The following RACGAP1 variants were observed in gnomAD, a reference collection of about 807,000 sequenced individuals.
RACGAP1 encodes rac GTPase-activating protein 1.
Under a neutral mutation model 78.1 loss-of-function variants are expected in RACGAP1, and 30 were observed. The ratio of observed to expected loss-of-function variants is 0.38; its 90% CI spans 0.29 to 0.52. The LOEUF is 0.52. RACGAP1 is among the 20% of genes least tolerant of loss of function. The pLI is 0.82. For synonymous variants in RACGAP1, 231 were observed against 264.8 expected, an observed-to-expected ratio of 0.87 and a Z score of 1.24; for missense variants, 587 against 777.1, an observed-to-expected ratio of 0.76 and a Z score of 2.91.
rs780484550 is a variant in RACGAP1 at position 49,997,035 on chromosome 12, C to G, written c.1044+5G>C. ...TAAAACAATGACGGCTTGCATAAGTCATACCTCTCCAATCTTGACAGGTGT... is the reference window on the plus strand; with the variant it reads ...TAAAACAATGACGGCTTGCATAAGTGATACCTCTCCAATCTTGACAGGTGT... On this transcript the variant is annotated splice_donor_5th_base_variant and intron_variant, in intron 10 of 16. Coordinates refer to ENST00000312377, the MANE Select transcript of RACGAP1 (RefSeq NM_001319999.2). The G allele has an allele frequency of 6.6e-7, 1 of 1,510,076 alleles. No homozygotes were observed. The highest frequency in any genetic ancestry group is 9.0e-7 in the Non-Finnish European group (1 of 1,117,040). The allele number at this position is 1,510,076 out of a possible 1,614,324, so 93.5% of individuals were successfully genotyped here. A position where few individuals can be genotyped will look rare whatever the true frequency, so the allele number is the denominator to read the frequency against.
At chr12:50,025,572 C>G, upstream of RACGAP1, 5 of 981,178 alleles carry the variant, frequency 5.1e-6, 1 homozygote, top group South Asian at 2.4e-4. Flanking sequence ...CAGGGCCACG[C>G]GGAGGTGACG....
chr12:50,005,537 T>A (rs1466396989), intron 3 of RACGAP1, 145 bp from the exon 4 acceptor site: 1 of 840,700 alleles, frequency 1.2e-6, no homozygotes, highest in Non-Finnish European at 1.8e-6. Context: ...CAATAGCATA[T>A]TAATTCACAT....
intron 1 of RACGAP1, chr12:50,016,985 T>C: frequency 8.3e-7 from 1 of 1,208,730 alleles, no homozygotes; most frequent in African/African-American, 1.6e-5. Flanking sequence ...AGAAAACAAA[T>C]AGGAAAGAGC....
chr12:50,018,789 TA>T (rs1282319628), intron 1 of RACGAP1, among the ~76,000 whole-genome samples: 7 of 152,010 alleles, frequency 4.6e-5, no homozygotes, highest in South Asian at 2.1e-4. Flanking sequence ...AAAGCTTTTT[TA>T]GGGGGGGTTT....
In RACGAP1 at chr12:50,016,627, T is replaced by G; in HGVS notation, c.85+4A>C. ...TTTGGACAGGCCAGCTCAGAATGACTTACGGACTTCATTTCCTTCACTGAG... is the reference window on the plus strand; with the variant it reads ...TTTGGACAGGCCAGCTCAGAATGACGTACGGACTTCATTTCCTTCACTGAG... On this transcript the variant is annotated splice_donor_region_variant and intron_variant, in intron 2 of 16. Transcript: ENST00000312377. The G allele has an allele frequency of 6.2e-7, 1 of 1,613,124 alleles. No individual in the cohort carries two copies. The highest frequency in any genetic ancestry group is 1.7e-5 in the Admixed American group (1 of 60,012).
rs1273355073 is a variant in RACGAP1 at position 49,994,214 on chromosome 12, C to CAGAT, written c.1252_1255dup (p.Cys419TyrfsTer3). The CAGAT allele has an allele frequency of 5.6e-6, 9 of 1,614,028 alleles. No homozygotes were observed. Among genetic ancestry groups the CAGAT allele is most frequent in the Non-Finnish European group, 7.6e-6 (9 of 1,180,028 alleles). Reference sequence around the variant, plus strand: ...TCGAAGAAAGTCTTTTAGAAGGCTACAGATAGCATGGATATCATCCACTTT... The same window carrying CAGAT: ...TCGAAGAAAGTCTTTTAGAAGGCTACAGATAGATAGCATGGATATCATCCACTTT... On this transcript the variant is annotated frameshift_variant, in exon 12 of 17. Coordinates refer to ENST00000312377, the MANE Select transcript of RACGAP1 (RefSeq NM_001319999.2). LOFTEE classifies it high-confidence loss of function.
intron 1 of RACGAP1, among the ~76,000 whole-genome samples, chr12:50,017,561 G>A (rs1949749683): frequency 6.6e-6 from 1 of 151,992 alleles, no homozygotes; most frequent in African/African-American, 2.4e-5. Flanking sequence ...AACACTTTGA[G>A]GAAATAAGAT....
chr12:50,005,195 C>T lies in RACGAP1; in HGVS notation c.425+61G>A, dbSNP rs1203633963. ...GAAGTATATTTAAGAATTCAGATAA[C>T]AAGAATATCTGACAGCCTGTGTTGC... On this transcript the variant is annotated intron_variant, in intron 4 of 16. Transcript: ENST00000312377. 1.4e-5 allele frequency: 23 copies of T among 1,593,602 alleles called. No homozygotes were observed. The Admixed American group carries it at 4.0e-4, about 27-fold the overall frequency.
intron 1 of RACGAP1, chr12:50,020,927 A>C (rs1228067850): frequency 5.4e-5 from 9 of 167,614 alleles, no homozygotes; most frequent in African/African-American, 9.6e-5. Context: ...ATGCTAGGGG[A>C]CCATATATTT....
chr12:50,021,587 C>A (rs893367149), intron 1 of RACGAP1, among the ~76,000 whole-genome samples: 3 of 152,196 alleles, frequency 2.0e-5, no homozygotes, highest in African/African-American at 7.2e-5. Flanking sequence ...TGGGAAAAGT[C>A]TCTATCCTCT....
At chr12:50,013,736 T>G (rs983937282) in intron 2 of RACGAP1, among the ~76,000 whole-genome samples, 10 of 152,230 alleles carry the variant, frequency 6.6e-5, no homozygotes, top group Non-Finnish European at 1.3e-4. Flanking sequence ...CCCTTTCATC[T>G]CTGCCTCTTG....
chr12:50,001,882 A>C (rs887723865), intron 6 of RACGAP1, among the ~76,000 whole-genome samples: 1 of 152,098 alleles, frequency 6.6e-6, no homozygotes, highest in African/African-American at 2.4e-5. Flanking sequence ...CCTGGCCAAC[A>C]TGGTGAAACC....
Position 49,992,667 on chromosome 12 carries a change from A to T in RACGAP1, c.1340-12T>A, listed in dbSNP as rs1209933897. The T allele has an allele frequency of 6.2e-7, 1 of 1,601,230 alleles. No homozygotes were observed. Among genetic ancestry groups the T allele is most frequent in the African/African-American group, 1.3e-5 (1 of 74,210 alleles). On this transcript the variant is annotated splice_polypyrimidine_tract_variant and intron_variant, in intron 12 of 16. Coordinates refer to ENST00000312377, the MANE Select transcript of RACGAP1 (RefSeq NM_001319999.2). ...TTCATCTGTGATTTCTGTAATTGAA[A>T]AGAAAGCACCAAGAGGCCTAGACTT... is the stretch of plus-strand genomic sequence containing the variant.
chr12:50,002,584 C>A, intron 5 of RACGAP1: 1 of 292,256 alleles, frequency 3.4e-6, no homozygotes, highest in Non-Finnish European at 6.4e-6. Context: ...TTTCCAGTGG[C>A]TGATCCTTTA....
chr12:50,001,098 C>T (rs770073194), intron 7 of RACGAP1, 74 bp downstream of exon 7: 18 of 1,181,400 alleles, frequency 1.5e-5, no homozygotes, highest in Admixed American at 1.2e-4. Flanking sequence ...CAAAACAATG[C>T]TGCAATGCTG....
chr12:49,999,774 C>G (rs1297067454), intron 7 of RACGAP1, 41 bp from the exon 8 acceptor site: 1 of 1,463,768 alleles, frequency 6.8e-7, no homozygotes, highest in East Asian at 2.3e-5. Context: ...AACAAAGAAT[C>G]TAACTTACCC....
At chr12:50,011,085 C>G (rs897688184) in intron 2 of RACGAP1, among the ~76,000 whole-genome samples, 1 of 152,084 alleles carries the variant, frequency 6.6e-6, no homozygotes, top group Admixed American at 6.6e-5. Flanking sequence ...GCCTGTAATG[C>G]CAGCACTCTG....
At chr12:50,018,646 A>G in intron 1 of RACGAP1, 1 of 982,766 alleles carries the variant, frequency 1.0e-6, no homozygotes, top group Non-Finnish European at 1.4e-6. Flanking sequence ...ATTACTTTCT[A>G]TCATCTCGGC....
chr12:49,991,863 T>A (rs1023574870), intron 15 of RACGAP1, 135 bp downstream of exon 15: 28 of 1,509,638 alleles, frequency 1.9e-5, no homozygotes, highest in Non-Finnish European at 2.5e-5. Flanking sequence ...CAAAAAAAAA[T>A]TACGATGGTA....
Sources: gnomAD v4.1 joint callset for allele counts (sites outside exome capture counted in the v4.1 genomes callset) on GRCh38, gnomAD v4.1.1 for gene constraint, MANE v1.5 for transcripts, NCBI Gene and HGNC (gene_info 2026-07-23, HGNC 2026-07-21) for gene names.